UBE3D: variants seen among roughly 807,000 people sequenced by gnomAD.
UBE3D encodes ubiquitin protein ligase E3D.
Under a neutral mutation model 49.6 loss-of-function variants are expected in UBE3D, and 48 were observed. The observed-to-expected ratio is 0.97, with a 90% confidence interval of 0.77 to 1.23. The LOEUF is 1.23. Ranked by LOEUF, UBE3D falls within the 50% of genes most tolerant of loss-of-function variation. The probability of loss-of-function intolerance (pLI) is 0.00; values close to 1 mark genes in which losing one functional copy is unlikely to be tolerated. For synonymous variants in UBE3D, 189 were observed against 174.2 expected (o/e 1.08, Z -0.67); for missense variants, 452 against 468.4 (o/e 0.96, Z 0.32).
chr6:83,000,767 A>G (rs1358489151), intron 8 of UBE3D, among the ~76,000 whole-genome samples: 3 of 151,458 alleles, frequency 2.0e-5, no homozygotes, highest in Admixed American at 1.3e-4. Context: ...TACTCACTGT[A>G]CTGCCTCCCA....
intron 9 of UBE3D, among the ~76,000 whole-genome samples, chr6:82,931,557 A>T (rs886621083): frequency 6.6e-6 from 1 of 152,210 alleles, no homozygotes; most frequent in African/African-American, 2.4e-5. Flanking sequence ...CATCAGCATG[A>T]CCTGGATGTG....
In UBE3D at chr6:83,040,602, A is replaced by G. The variant is rs1210928675; in HGVS notation, c.598-2117T>C. Among the ~76,000 whole-genome samples, 9 of 152,342 alleles carry G rather than the reference A, an allele frequency of 5.9e-5. No individual in the cohort carries two copies. The South Asian group carries it at 1.9e-3, about 32-fold the overall frequency. Reference sequence around the variant, plus strand: ...ATACACTGAATTAACCTTCAGTAACATAAACACTTATTCCATTTTTTCCTG... The same window carrying G: ...ATACACTGAATTAACCTTCAGTAACGTAAACACTTATTCCATTTTTTCCTG... On this transcript the variant is annotated intron_variant, in intron 4 of 9. Transcript: ENST00000369747.
chr6:83,000,570 T>G (rs568369586), intron 8 of UBE3D, among the ~76,000 whole-genome samples: 67 of 152,364 alleles, frequency 4.4e-4, no homozygotes, highest in African/African-American at 1.5e-3. Flanking sequence ...ACAATCTTCC[T>G]GAAGCTTAAA....
chr6:82,958,024 G>A (rs1049699405), intron 8 of UBE3D, among the ~76,000 whole-genome samples: 2 of 152,178 alleles, frequency 1.3e-5, no homozygotes, highest in African/African-American at 4.8e-5. Context: ...GGGAAAGGTT[G>A]GCAGGAGGCC....
At position 82,992,379 on chromosome 6, in the gene UBE3D, C is replaced by T. The variant is rs370320727; in HGVS notation, c.1010+26594G>A. Among the ~76,000 whole-genome samples, 28 of 152,086 alleles carry T rather than the reference C, an allele frequency of 1.8e-4. No individual in the cohort carries two copies. In the South Asian group the frequency reaches 5.6e-3, roughly 30 times the overall value. On this transcript the variant is annotated intron_variant, in intron 8 of 9. Coordinates refer to ENST00000369747, the MANE Select transcript of UBE3D (RefSeq NM_198920.3). Reference sequence around the variant, plus strand: ...CTAGGATTACAGGTGCCTGCCACCACGCCTGGCTAATTTTTGTAATTTTAG... The same window carrying T: ...CTAGGATTACAGGTGCCTGCCACCATGCCTGGCTAATTTTTGTAATTTTAG...
At chr6:83,035,180 CAA>C (rs70987732) in intron 5 of UBE3D, among the ~76,000 whole-genome samples, 7,568 of 137,730 alleles carry the variant, frequency 0.055, 297 homozygotes, top group African/African-American at 0.12. Context: ...GACTATGTCT[CAA>C]AAAAAAAAAA....
intron 8 of UBE3D, among the ~76,000 whole-genome samples, chr6:82,976,246 A>T (rs1777708320): frequency 6.6e-6 from 1 of 152,248 alleles, no homozygotes; most frequent in South Asian, 2.1e-4. Context: ...TCATAAAATC[A>T]TAGCACCATA....
intron 9 of UBE3D, among the ~76,000 whole-genome samples, chr6:82,947,130 CA>C (rs1775464619): frequency 1.3e-5 from 2 of 151,512 alleles, no homozygotes; most frequent in African/African-American, 4.8e-5. Flanking sequence ...CAATGGAAAC[CA>C]AAAAAGAGCA....
At position 83,058,024 on chromosome 6, in the gene UBE3D, T is replaced by A; in HGVS notation, c.78-2A>T. On this transcript the variant is annotated splice_acceptor_variant, in intron 1 of 9. Transcript: ENST00000369747. LOFTEE classifies it high-confidence loss of function. The stretch of plus-strand genomic sequence containing the variant: ...GGCATACCTCCTTCTTTCGGTTCTC[T>A]GGTAATTAAAAACAAAACCCAAACA... The A allele has an allele frequency of 1.2e-6, 2 of 1,613,786 alleles. No individual in the cohort carries two copies. The highest frequency in any genetic ancestry group is 8.5e-7 in the Non-Finnish European group (1 of 1,179,934).
intron 9 of UBE3D, among the ~76,000 whole-genome samples, chr6:82,923,117 T>C (rs1451399652): frequency 6.6e-6 from 1 of 152,190 alleles, no homozygotes; most frequent in Non-Finnish European, 1.5e-5. Context: ...GGTGGGAGTG[T>C]AAATTAGTTC....
At chr6:82,946,862 A>G (rs1775442283) in intron 9 of UBE3D, among the ~76,000 whole-genome samples, 1 of 152,008 alleles carries the variant, frequency 6.6e-6, no homozygotes, top group Admixed American at 6.6e-5. Context: ...ATAATGAATT[A>G]TAAGATAGTT....
At chr6:82,913,948 A>G (rs1275845327) in intron 9 of UBE3D, among the ~76,000 whole-genome samples, 1 of 152,228 alleles carries the variant, frequency 6.6e-6, no homozygotes, top group Admixed American at 6.5e-5. Flanking sequence ...AGAGAGGACT[A>G]CTGACTTCTC....
At chr6:82,899,191 T>C (rs1300663144) in intron 9 of UBE3D, among the ~76,000 whole-genome samples, 2 of 152,122 alleles carry the variant, frequency 1.3e-5, no homozygotes, top group East Asian at 3.9e-4. Flanking sequence ...GCTGGCCTGC[T>C]AAATGAATGA....
chr6:83,055,468 T>C (rs112098056), intron 2 of UBE3D, among the ~76,000 whole-genome samples: 1 of 152,238 alleles, frequency 6.6e-6, no homozygotes, highest in Non-Finnish European at 1.5e-5. Flanking sequence ...AGTATTATTC[T>C]TTAACTTTGA....
At chr6:83,014,510 C>G (rs1285636365) in intron 8 of UBE3D, among the ~76,000 whole-genome samples, 2 of 152,112 alleles carry the variant, frequency 1.3e-5, no homozygotes, top group Non-Finnish European at 2.9e-5. Flanking sequence ...CCCAATGGAC[C>G]CACTGTAAGT....
chr6:82,922,918 C>T (rs1400664555), intron 9 of UBE3D, among the ~76,000 whole-genome samples: 1 of 152,138 alleles, frequency 6.6e-6, no homozygotes, highest in Non-Finnish European at 1.5e-5. Context: ...AGACACTTCT[C>T]AAAAGAAGAC....
rs371745792 is a variant in UBE3D, at chr6:82,985,708, G to A, written c.1011-28258C>T. ...TCTGATCTATTTGAAATGGATCCCC[G>A]TGTAACATGTAAAGATTAAATTTTA... is the stretch of plus-strand genomic sequence containing the variant. On this transcript the variant is annotated intron_variant, in intron 8 of 9. Coordinates refer to ENST00000369747, the MANE Select transcript of UBE3D (RefSeq NM_198920.3). 1.7e-4 allele frequency among the ~76,000 whole-genome samples: 26 copies of A among 152,162 alleles called. No homozygotes were observed. The East Asian group carries it at 2.5e-3, about 15-fold the overall frequency.
intron 4 of UBE3D, among the ~76,000 whole-genome samples, chr6:83,040,580 C>T (rs1191049768): frequency 6.6e-6 from 1 of 152,178 alleles, no homozygotes; most frequent in African/African-American, 2.4e-5. Flanking sequence ...TCCCTTCATA[C>T]ACTGAATTAA....
At chr6:82,903,897 C>T (rs950599656) in intron 9 of UBE3D, among the ~76,000 whole-genome samples, 5 of 152,098 alleles carry the variant, frequency 3.3e-5, no homozygotes, top group African/African-American at 1.2e-4. Flanking sequence ...TGATGTTTCA[C>T]CAGAAGCCTT....
Sources: allele counts gnomAD v4.1 joint callset (sites outside exome capture counted in the v4.1 genomes callset), GRCh38; gene constraint gnomAD v4.1.1; transcripts MANE v1.5; gene names NCBI Gene and HGNC (gene_info 2026-07-23, HGNC 2026-07-21).